The following GRIA3 variants were observed in gnomAD, a reference collection of about 807,000 sequenced individuals.
GRIA3 encodes glutamate ionotropic receptor AMPA type subunit 3.
In GRIA3, 3 loss-of-function variants were observed where a neutral mutation model predicts 63.0. The ratio of observed to expected loss-of-function variants is 0.05; its 90% CI spans 0.02 to 0.12. GRIA3 has a LOEUF of 0.12. Among genes scored for constraint, GRIA3 ranks in the 10% least tolerant of loss-of-function variants. GRIA3 has a pLI of 1.00. For missense variants in GRIA3, 347 were observed against 700.9 expected, an observed-to-expected ratio of 0.50 and a Z score of 5.70; for synonymous variants, 274 against 257.9, an observed-to-expected ratio of 1.06 and a Z score of -0.60.
At chrX:123,350,262 G>A (rs2045085067) in intron 4 of GRIA3, among the ~76,000 whole-genome samples, 1 of 109,915 alleles carries the variant, frequency 9.1e-6, no homozygotes, top group African/African-American at 3.3e-5. Context: ...ATGTTGTTCT[G>A]TACTCAAAGC....
At chrX:123,441,771 A>G (rs1462489923) in intron 12 of GRIA3, among the ~76,000 whole-genome samples, 2 of 111,304 alleles carry the variant, frequency 1.8e-5, no homozygotes. Flanking sequence ...CCCTTTGCCA[A>G]GAAGTTTGAA....
At chrX:123,242,145 G>A (rs1467507328) in intron 2 of GRIA3, among the ~76,000 whole-genome samples, 1 of 111,764 alleles carries the variant, frequency 8.9e-6, no homozygotes, top group African/African-American at 3.3e-5. Context: ...ACTGATGATG[G>A]ATCTAAAGAT....
chrX:123,187,687 G>A (rs899389764), intron 2 of GRIA3, among the ~76,000 whole-genome samples: 1 of 111,928 alleles, frequency 8.9e-6, no homozygotes, highest in African/African-American at 3.3e-5. Flanking sequence ...TCTTTTCACT[G>A]ATGAGAACTG....
At position 123,244,861 on chromosome X, in the gene GRIA3, T is replaced by A. The variant is rs1348780710; in HGVS notation, c.269-8442T>A. Among the ~76,000 whole-genome samples, 4 of 112,859 alleles carry A rather than the reference T, an allele frequency of 3.5e-5. No individual in the cohort carries two copies. The South Asian group carries it at 1.1e-3, about 31-fold the overall frequency. ...GAACTGACCCACTTACAAAGATTCA[T>A]TTATTAATCCATTAACAATTCATAC... On this transcript the variant is annotated intron_variant, in intron 2 of 15. Transcript: ENST00000620443.
chrX:123,307,549 C>A (rs1569417459), intron 3 of GRIA3, among the ~76,000 whole-genome samples: 5 of 112,034 alleles, frequency 4.5e-5, no homozygotes, highest in Admixed American at 1.9e-4. Flanking sequence ...GGCAGAGACA[C>A]AACTAAGGGG....
chrX:123,268,443 A>AT (rs1233306558), intron 3 of GRIA3, among the ~76,000 whole-genome samples: 1 of 109,437 alleles, frequency 9.1e-6, no homozygotes, highest in Non-Finnish European at 1.9e-5. Context: ...ATTCTCTTCC[A>AT]TTTTTTATTC....
chrX:123,360,110 T>C, intron 5 of GRIA3, among the ~76,000 whole-genome samples: 1 of 111,680 alleles, frequency 9.0e-6, no homozygotes, highest in East Asian at 2.8e-4. Context: ...CCTAAGCCTT[T>C]TACATATCAG....
intron 12 of GRIA3, among the ~76,000 whole-genome samples, chrX:123,447,891 A>T (rs1039210287): frequency 8.9e-6 from 1 of 112,225 alleles, no homozygotes; most frequent in Non-Finnish European, 1.9e-5. Flanking sequence ...GCTGATACAG[A>T]TAACTATTTT....
At chrX:123,452,989 C>T (rs2045741429) in intron 12 of GRIA3, among the ~76,000 whole-genome samples, 1 of 112,247 alleles carries the variant, frequency 8.9e-6, no homozygotes, top group East Asian at 2.8e-4. Flanking sequence ...GTGGCGATTC[C>T]TCAAGGATCT....
At chrX:123,287,111 T>C (rs1317987320) in intron 3 of GRIA3, among the ~76,000 whole-genome samples, 1 of 111,793 alleles carries the variant, frequency 8.9e-6, no homozygotes, top group African/African-American at 3.3e-5. Flanking sequence ...TGATTCAACA[T>C]ACGCAAATCA....
intron 10 of GRIA3, among the ~76,000 whole-genome samples, chrX:123,410,753 G>A (rs2045500419): frequency 8.9e-6 from 1 of 111,745 alleles, no homozygotes; most frequent in Non-Finnish European, 1.9e-5. Flanking sequence ...GTAACCTCCA[G>A]GAAGGAGCAT....
At chrX:123,480,211 C>A in intron 14 of GRIA3, 34 bp downstream of exon 14, 1 of 892,994 alleles carries the variant, frequency 1.1e-6, no homozygotes, top group Non-Finnish European at 1.6e-6. Flanking sequence ...TACTGATTAG[C>A]AATCACATTT....
Position 123,184,588 on chromosome X carries a change from T to C in GRIA3, c.53T>C (p.Leu18Ser). Residue 18 changes from leucine (L) to serine (S), a missense_variant, in exon 1 of 16, where the codon TTA becomes TCA. This residue lies in a region of GRIA3 where 36 missense variants were observed against 28.2 expected (regional missense o/e 1.28). Transcript: ENST00000620443. The part of the protein sequence containing the change: ...GQSVLRAVFF[L>S]VLGLLGHSHG... ...AGCGTGCTCCGGGCGGTCTTCTTTT[T>C]AGTCCTGGGGCTTTTGGGTCATTCT... 1 of 1,210,128 alleles carries C rather than the reference T, an allele frequency of 8.3e-7. No individual in the cohort carries two copies. Among genetic ancestry groups the C allele is most frequent in the East Asian group, 3.0e-5 (1 of 33,780 alleles).
chrX:123,432,768 G>C (rs1419315943), intron 12 of GRIA3, among the ~76,000 whole-genome samples: 1 of 112,098 alleles, frequency 8.9e-6, no homozygotes, highest in African/African-American at 3.2e-5. Context: ...TCATCATTTA[G>C]ACAGAGTTGG....
chrX:123,360,746 C>A (rs1361694514), intron 5 of GRIA3, among the ~76,000 whole-genome samples: 1 of 97,860 alleles, frequency 1.0e-5, no homozygotes, highest in Non-Finnish European at 2.0e-5. Context: ...TTGAAAAAAA[C>A]CATCCAAAAG....
chrX:123,404,658 T>C (rs774490457), intron 9 of GRIA3, 50 bp from the exon 10 acceptor site: 4 of 942,173 alleles, frequency 4.2e-6, no homozygotes, highest in Non-Finnish European at 6.1e-6. Context: ...TTATCTTCTC[T>C]TAGAAAAATG....
intron 12 of GRIA3, among the ~76,000 whole-genome samples, chrX:123,432,655 A>T (rs1044267181): frequency 2.7e-5 from 3 of 111,747 alleles, no homozygotes; most frequent in Non-Finnish European, 5.6e-5. Flanking sequence ...TATAAGGCAG[A>T]AAAATCCCAG....
chrX:123,355,352 A>T (rs1027589619), intron 5 of GRIA3, among the ~76,000 whole-genome samples: 6 of 112,201 alleles, frequency 5.3e-5, no homozygotes, highest in Non-Finnish European at 1.1e-4. Context: ...TTTCAGAAGC[A>T]GACCACTACC....
chrX:123,301,722 T>C (rs1238775429), intron 3 of GRIA3, among the ~76,000 whole-genome samples: 1 of 111,710 alleles, frequency 9.0e-6, no homozygotes, highest in Non-Finnish European at 1.9e-5. Context: ...GAGCTCACAC[T>C]TTCAACTCTT....
Sources: allele counts gnomAD v4.1 joint callset (sites outside exome capture counted in the v4.1 genomes callset), GRCh38; gene constraint gnomAD v4.1.1; regional missense constraint gnomAD v4.1.1; transcripts MANE v1.5; gene names NCBI Gene and HGNC (gene_info 2026-07-23, HGNC 2026-07-21).